OPN5: variants seen among roughly 807,000 people sequenced by gnomAD.
OPN5 encodes opsin 5.
A neutral mutation model predicts 41.7 loss-of-function variants in OPN5; 18 were observed. The observed-to-expected ratio is 0.43, with a 90% confidence interval of 0.30 to 0.64. The LOEUF (loss-of-function observed/expected upper bound fraction) is 0.64. OPN5 is among the 30% of genes least tolerant of loss of function. The probability of loss-of-function intolerance (pLI) is 0.13; values close to 1 mark genes in which losing one functional copy is unlikely to be tolerated. For missense variants in OPN5, 318 were observed against 434.5 expected (o/e 0.73, Z 2.38); for synonymous variants, 178 against 164.3 (o/e 1.08, Z -0.64).
intron 5 of OPN5, 135 bp downstream of exon 5, chr6:47,808,530 T>C (rs1774064477): frequency 1.1e-6 from 1 of 947,078 alleles, no homozygotes; most frequent in Admixed American, 2.5e-5. Flanking sequence ...GACTTTATTT[T>C]CTGTTTATCA....
chr6:47,822,493 A>G (rs894747109), intron 6 of OPN5, among the ~76,000 whole-genome samples: 3 of 152,226 alleles, frequency 2.0e-5, no homozygotes, highest in Non-Finnish European at 4.4e-5. Flanking sequence ...CTTGCTCAAT[A>G]AATTTCCCAA....
chr6:47,802,125 G>A (rs993709596), intron 4 of OPN5, among the ~76,000 whole-genome samples: 3 of 152,288 alleles, frequency 2.0e-5, no homozygotes, highest in Non-Finnish European at 4.4e-5. Flanking sequence ...ACGCTGAAAA[G>A]AACAGCTACT....
At chr6:47,811,154 G>A (rs1774183596) in intron 5 of OPN5, among the ~76,000 whole-genome samples, 2 of 152,150 alleles carry the variant, frequency 1.3e-5, no homozygotes, top group African/African-American at 4.8e-5. Flanking sequence ...ATCTCAAATG[G>A]AGAAGAAATG....
chr6:47,791,725 G>A (rs1561891437), intron 2 of OPN5, 77 bp from the exon 3 acceptor site: 2 of 1,234,378 alleles, frequency 1.6e-6, no homozygotes, highest in African/African-American at 1.5e-5. Flanking sequence ...TTTAGGGGAG[G>A]AGGTTCAGGT....
At chr6:47,797,153 G>T (rs952756801) in intron 4 of OPN5, among the ~76,000 whole-genome samples, 54 of 152,240 alleles carry the variant, frequency 3.5e-4, no homozygotes, top group Admixed American at 7.2e-4. Context: ...AGATCTGGGT[G>T]GGGGGACAGC....
intron 6 of OPN5, among the ~76,000 whole-genome samples, chr6:47,821,671 T>C (rs1194897409): frequency 6.6e-6 from 1 of 152,180 alleles, no homozygotes; most frequent in African/African-American, 2.4e-5. Flanking sequence ...TTCAGGCCAA[T>C]GTTGTCCTTG....
At chr6:47,802,502 G>A (rs1441556992) in intron 4 of OPN5, among the ~76,000 whole-genome samples, 8 of 152,100 alleles carry the variant, frequency 5.3e-5, no homozygotes, top group African/African-American at 1.9e-4. Flanking sequence ...CTGTGAAAGT[G>A]GAGGAAGAGA....
intron 3 of OPN5, 42 bp downstream of exon 3, chr6:47,792,014 G>A: frequency 7.0e-7 from 1 of 1,419,650 alleles, no homozygotes; most frequent in Non-Finnish European, 9.9e-7. Flanking sequence ...TTAAAGCTAG[G>A]TGGATTGAGT....
intron 6 of OPN5, among the ~76,000 whole-genome samples, chr6:47,814,820 C>G (rs1762383601): frequency 6.6e-6 from 1 of 152,104 alleles, no homozygotes; most frequent in South Asian, 2.1e-4. Context: ...ACTGCAAAAT[C>G]TTTGAGCTTG....
exon 1 of OPN5, chr6:47,782,172 G>T (rs1233419496): frequency 1.9e-6 from 3 of 1,613,562 alleles, no homozygotes; most frequent in Non-Finnish European, 2.5e-6. Context: ...GGATTTAGTG[G>T]CTGGCTTTTA....
At chr6:47,784,496 C>T (rs556470365) in intron 1 of OPN5, among the ~76,000 whole-genome samples, 8 of 152,230 alleles carry the variant, frequency 5.3e-5, no homozygotes, top group African/African-American at 1.9e-4. Context: ...CGGGGTTTCG[C>T]CATGTTGGCC....
chr6:47,791,049 A>G (rs745507114), intron 2 of OPN5, among the ~76,000 whole-genome samples: 8 of 152,138 alleles, frequency 5.3e-5, no homozygotes, highest in Non-Finnish European at 8.8e-5. Context: ...ACTGTTTTGC[A>G]TATTATTTTT....
chr6:47,817,636 A>G (rs987555412), intron 6 of OPN5, among the ~76,000 whole-genome samples: 8 of 152,182 alleles, frequency 5.3e-5, no homozygotes, highest in African/African-American at 1.9e-4. Flanking sequence ...TAATTTAACA[A>G]GATGACTTTC....
intron 4 of OPN5, among the ~76,000 whole-genome samples, chr6:47,802,080 T>C (rs1250320737): frequency 1.3e-5 from 2 of 152,142 alleles, no homozygotes; most frequent in African/African-American, 4.8e-5. Flanking sequence ...CTGCTTAGAG[T>C]GAGAGGAGAA....
At chr6:47,808,843 G>T (rs1201913819) in intron 5 of OPN5, among the ~76,000 whole-genome samples, 1 of 152,204 alleles carries the variant, frequency 6.6e-6, no homozygotes, top group Non-Finnish European at 1.5e-5. Context: ...GAAGGGAGAT[G>T]ACATTTCTGC....
intron 6 of OPN5, among the ~76,000 whole-genome samples, chr6:47,816,337 CT>C (rs986554281): frequency 1.3e-5 from 2 of 152,098 alleles, no homozygotes; most frequent in Non-Finnish European, 2.9e-5. Flanking sequence ...ATGAGAGAAA[CT>C]GCAAAATATC....
In OPN5 at chr6:47,795,073, T is replaced by C. The variant is rs975655537; in HGVS notation, c.422-156T>C. On this transcript the variant is annotated intron_variant, in intron 3 of 6. Transcript: ENST00000371211. ...AAAGGCCCAAGCTCTGGAACTTTTT[T>C]CCGTTTACTCCACTCTCCCTCAGGC... 7.0e-5 allele frequency: 42 copies of C among 598,196 alleles called. No homozygotes were observed. In the Middle Eastern group the frequency reaches 1.4e-3, roughly 20 times the overall value. The allele number at this position is 598,196 out of a possible 1,614,324, so 37.1% of individuals were successfully genotyped here.
At chr6:47,814,889 G>A (rs780888797) in intron 6 of OPN5, among the ~76,000 whole-genome samples, 3 of 152,124 alleles carry the variant, frequency 2.0e-5, no homozygotes, top group Non-Finnish European at 4.4e-5. Flanking sequence ...ATGCATAAAG[G>A]ACACTTGGAA....
chr6:47,795,754 T>C, intron 4 of OPN5, among the ~76,000 whole-genome samples, 191 bp downstream of exon 4: 1 of 136,008 alleles, frequency 7.4e-6, no homozygotes, highest in African/African-American at 2.9e-5. Flanking sequence ...GTACCCCCAC[T>C]TCTCTCTTCT....
Sources: allele counts gnomAD v4.1 joint callset (sites outside exome capture counted in the v4.1 genomes callset), GRCh38; gene constraint gnomAD v4.1.1; transcripts MANE v1.5; gene names NCBI Gene and HGNC (gene_info 2026-07-23, HGNC 2026-07-21).